Variants in PPIP5K2 observed in about 807,000 individuals in gnomAD.
PPIP5K2 encodes diphosphoinositol pentakisphosphate kinase 2.
In PPIP5K2, 105 loss-of-function variants were observed where a neutral mutation model predicts 154.6. The ratio of observed to expected loss-of-function variants is 0.68; its 90% CI spans 0.58 to 0.80. The LOEUF (loss-of-function observed/expected upper bound fraction) is 0.80, where lower values mean the gene tolerates loss of function less well. PPIP5K2 is among the 30% of genes least tolerant of loss of function. PPIP5K2 has a pLI of 0.00. For missense variants in PPIP5K2, 992 were observed against 1,504.6 expected (o/e 0.66, Z 5.64); for synonymous variants, 480 against 490.3 (o/e 0.98, Z 0.28).
chr5:103,191,055 T>G, intron 29 of PPIP5K2, 73 bp downstream of exon 29: 1 of 1,409,706 alleles, frequency 7.1e-7, no homozygotes, highest in East Asian at 2.3e-5. Flanking sequence ...TAACAGGAAT[T>G]ATAACAACAT....
At chr5:103,187,077 C>T (rs984892295) in intron 27 of PPIP5K2, among the ~76,000 whole-genome samples, 9 of 152,056 alleles carry the variant, frequency 5.9e-5, no homozygotes, top group African/African-American at 2.2e-4. Flanking sequence ...CATGGATTTA[C>T]CAGAATTGCC....
intron 23 of PPIP5K2, 33 bp downstream of exon 23, chr5:103,178,013 C>A: frequency 1.5e-6 from 2 of 1,297,162 alleles, no homozygotes; most frequent in Non-Finnish European, 2.2e-6. Context: ...TGCTTAGTTA[C>A]TACAGTTCTA....
At chr5:103,178,892 T>A (rs1158642806) in intron 23 of PPIP5K2, among the ~76,000 whole-genome samples, 1 of 151,914 alleles carries the variant, frequency 6.6e-6, no homozygotes, top group Non-Finnish European at 1.5e-5. Flanking sequence ...TCATAAATGA[T>A]TTATTTATGA....
intron 20 of PPIP5K2, 127 bp from the exon 21 acceptor site, chr5:103,173,731 A>G: frequency 1.5e-6 from 1 of 683,774 alleles, no homozygotes; most frequent in Admixed American, 2.9e-5. Flanking sequence ...TGTGGTTGGA[A>G]GAATAATAGA....
In PPIP5K2 at chr5:103,180,083, T is replaced by A. The variant is rs1330844162; in HGVS notation, c.2817T>A (p.Asp939Glu). The change falls in exon 24 of 31, where the codon GAT becomes GAA. Residue 939 changes from aspartate (D) to glutamate (E), a missense_variant. Transcript: ENST00000358359. ...NDDEPHTSKR[D>E]EVDRAVILFK... ...ATGAACCACATACTTCTAAAAGAGATGAAGTTGATCGAGCTGTGATATTGT... is the reference window on the plus strand; with the variant it reads ...ATGAACCACATACTTCTAAAAGAGAAGAAGTTGATCGAGCTGTGATATTGT... 2 of 1,603,844 alleles carry A rather than the reference T, an allele frequency of 1.2e-6. No homozygotes were observed. Among genetic ancestry groups the A allele is most frequent in the Admixed American group, 1.7e-5 (1 of 58,270 alleles).
chr5:103,137,411 C>T (rs1791716291), intron 4 of PPIP5K2, among the ~76,000 whole-genome samples: 1 of 152,130 alleles, frequency 6.6e-6, no homozygotes, highest in African/African-American at 2.4e-5. Context: ...ATCCGCCTGC[C>T]TCGGCCTCCC....
At chr5:103,128,786 T>C (rs148152850) in intron 1 of PPIP5K2, among the ~76,000 whole-genome samples, 116 of 152,314 alleles carry the variant, frequency 7.6e-4, no homozygotes, top group African/African-American at 2.6e-3. Flanking sequence ...ACTCTAATCT[T>C]TTTTTGTTCA....
chr5:103,137,997 T>C (rs1385046008), intron 4 of PPIP5K2, among the ~76,000 whole-genome samples: 1 of 152,196 alleles, frequency 6.6e-6, no homozygotes, highest in Non-Finnish European at 1.5e-5. Flanking sequence ...CACTTTTCTC[T>C]AGTATGCTGT....
chr5:103,188,876 G>A (rs1800797735), intron 28 of PPIP5K2: 1 of 279,600 alleles, frequency 3.6e-6, no homozygotes, highest in Non-Finnish European at 6.6e-6. Flanking sequence ...TAAAAATGTG[G>A]GTTTTCCGCA....
chr5:103,152,657 A>G lies in PPIP5K2; in HGVS notation c.1038A>G (p.Val346=), dbSNP rs1794805432. 6.3e-7 allele frequency: 1 copy of G among 1,582,928 alleles called. No homozygotes were observed. The highest frequency in any genetic ancestry group is 8.7e-7 in the Non-Finnish European group (1 of 1,153,018). ...CTTTTTTGTCTTGAAGAAATATTGT[A>G]ATGCGAGAACTTGCTCCACAATTTC... ...DDCAKILGNI[V]MRELAPQFHI... Residue 346 remains valine (V), a synonymous_variant, in exon 10 of 31, where the codon GTA becomes GTG. Transcript: ENST00000358359.
At chr5:103,149,097 C>A in intron 7 of PPIP5K2, 55 bp from the exon 8 acceptor site, 2 of 1,206,900 alleles carry the variant, frequency 1.7e-6, no homozygotes, top group Admixed American at 2.8e-5. Context: ...GTTGGTTACA[C>A]ACACACACAC....
At position 103,201,628 on chromosome 5, in the gene PPIP5K2, G is replaced by T. The variant is rs1803034694; in HGVS notation, c.3726G>T (p.Lys1242Asn). 1 of 1,587,114 alleles carries T rather than the reference G, an allele frequency of 6.3e-7. No individual in the cohort carries two copies. Among genetic ancestry groups the T allele is most frequent in the Admixed American group, 1.7e-5 (1 of 57,160 alleles). The part of the protein sequence containing the change: ...THEHKKNTGK[K>N]K ...AACACAAAAAAAACACTGGGAAAAA[G>T]AAATGAAATCTTAGCAGAAGCTGGA... Residue 1242 changes from lysine (K) to asparagine (N), a missense_variant, in exon 31 of 31, where the codon AAG (lysine) becomes AAT (asparagine). By Grantham distance (94) the Lys-to-Asn change is moderately conservative (BLOSUM62 0). This residue lies in a region of PPIP5K2 where 131 missense variants were observed against 117.8 expected (regional missense o/e 1.11). Transcript: ENST00000358359.
chr5:103,144,347 T>G (rs1205107326), intron 5 of PPIP5K2, among the ~76,000 whole-genome samples: 1 of 152,128 alleles, frequency 6.6e-6, no homozygotes, highest in Admixed American at 6.5e-5. Context: ...TTGTTAAAAT[T>G]GCCATACTAC....
chr5:103,173,132 A>G, intron 19 of PPIP5K2, 23 bp from the exon 20 acceptor site: 1 of 1,555,982 alleles, frequency 6.4e-7, no homozygotes, highest in Non-Finnish European at 8.7e-7. Context: ...TCCTTTTTCT[A>G]ATGTCATGTA....
intron 30 of PPIP5K2, among the ~76,000 whole-genome samples, chr5:103,197,116 G>T (rs1802209968): frequency 1.3e-5 from 2 of 152,212 alleles, no homozygotes; most frequent in South Asian, 4.1e-4. Context: ...TGAAAGATAG[G>T]ATACTGGTCT....
chr5:103,187,100 T>C (rs1379034134), intron 27 of PPIP5K2, among the ~76,000 whole-genome samples: 1 of 152,158 alleles, frequency 6.6e-6, no homozygotes, highest in Non-Finnish European at 1.5e-5. Flanking sequence ...CTCATCTTGC[T>C]TTTCTTTCTT....
At chr5:103,195,983 C>T (rs1322079860) in intron 30 of PPIP5K2, among the ~76,000 whole-genome samples, 3 of 152,108 alleles carry the variant, frequency 2.0e-5, no homozygotes, top group East Asian at 1.9e-4. Flanking sequence ...GTCATAAAAT[C>T]GGGTTAATAG....
intron 17 of PPIP5K2, 37 bp downstream of exon 17, chr5:103,159,365 C>A: frequency 6.7e-7 from 1 of 1,481,730 alleles, no homozygotes; most frequent in South Asian, 1.3e-5. Flanking sequence ...TGAAATATTA[C>A]ACACACACAG....
intron 17 of PPIP5K2, among the ~76,000 whole-genome samples, chr5:103,160,956 T>C (rs1021810834): frequency 1.1e-4 from 16 of 151,546 alleles, no homozygotes; most frequent in Non-Finnish European, 2.1e-4. Context: ...GTCTTTTCAT[T>C]CTTTTTTTTT....
Sources: allele counts gnomAD v4.1 joint callset (sites outside exome capture counted in the v4.1 genomes callset), GRCh38; gene constraint gnomAD v4.1.1; regional missense constraint gnomAD v4.1.1; transcripts MANE v1.5; gene names NCBI Gene and HGNC (gene_info 2026-07-23, HGNC 2026-07-21).